STOX1: variants seen among roughly 807,000 people sequenced by gnomAD.
STOX1 encodes the protein storkhead-box protein 1.
STOX1 carries 57 observed loss-of-function variants against 74.8 expected under a neutral mutation model. The observed-to-expected ratio is 0.76, with a 90% CI of 0.62 to 0.95. STOX1 has a LOEUF of 0.95. STOX1 is among the 40% of genes least tolerant of loss of function. The probability of loss-of-function intolerance (pLI) is 0.00; values close to 1 mark genes in which losing one functional copy is unlikely to be tolerated. For missense variants in STOX1, 1,010 were observed against 1,117.0 expected (o/e 0.90, Z 1.37); for synonymous variants, 375 against 401.3 (o/e 0.93, Z 0.78).
chr10:68,845,359 T>G (rs1179522414), intron 1 of STOX1, among the ~76,000 whole-genome samples: 1 of 144,368 alleles, frequency 6.9e-6, no homozygotes, highest in African/African-American at 2.6e-5. Flanking sequence ...CTGCAACCTC[T>G]GCCTCCCAGG....
chr10:68,857,662 T>A (rs1263007543), intron 1 of STOX1, among the ~76,000 whole-genome samples: 8 of 152,168 alleles, frequency 5.3e-5, no homozygotes, highest in Admixed American at 5.2e-4. Flanking sequence ...TGCTACTGAC[T>A]GCTCCTTTGG....
intron 1 of STOX1, among the ~76,000 whole-genome samples, chr10:68,847,490 A>G (rs1317038684): frequency 2.0e-5 from 3 of 149,298 alleles, no homozygotes; most frequent in African/African-American, 7.4e-5. Flanking sequence ...GCTCGTTGCA[A>G]CCTCCGCCTC....
intron 2 of STOX1, 118 bp downstream of exon 2, chr10:68,882,228 T>TTA (rs1840829182): frequency 3.1e-6 from 3 of 968,922 alleles, no homozygotes; most frequent in Non-Finnish European, 4.8e-6. Flanking sequence ...CTATAGAACT[T>TTA]TATATCAGAA....
intron 1 of STOX1, among the ~76,000 whole-genome samples, chr10:68,867,582 G>A (rs889086365): frequency 6.6e-6 from 1 of 152,214 alleles, no homozygotes; most frequent in African/African-American, 2.4e-5. Flanking sequence ...GTGCCAAGGG[G>A]CAGGGACAAG....
intron 1 of STOX1, among the ~76,000 whole-genome samples, chr10:68,865,872 C>T (rs942979586): frequency 1.3e-5 from 2 of 152,104 alleles, no homozygotes; most frequent in Non-Finnish European, 2.9e-5. Context: ...TCCAGTTTCT[C>T]TTTACTCAGC....
In STOX1 at chr10:68,885,586, G is replaced by C. The variant is rs1318220818; in HGVS notation, c.1790G>C (p.Cys597Ser). The C allele has an allele frequency of 6.2e-7, 1 of 1,614,210 alleles. No homozygotes were observed. Among genetic ancestry groups the C allele is most frequent in the East Asian group, 2.2e-5 (1 of 44,892 alleles). ...QQSMLQNDGK[C>S]CPFMESMLRY... Reference sequence around the variant, plus strand: ...AGCATGTTGCAAAATGATGGTAAATGCTGTCCCTTTATGGAAAGCATGTTG... The same window carrying C: ...AGCATGTTGCAAAATGATGGTAAATCCTGTCCCTTTATGGAAAGCATGTTG... The change falls in exon 3 of 4, where the codon TGC (cysteine) becomes TCC (serine). Residue 597 changes from cysteine (C) to serine (S), a missense_variant. Cys to Ser is a moderately radical substitution (Grantham distance 112). Coordinates refer to ENST00000298596, the MANE Select transcript of STOX1 (RefSeq NM_152709.5).
chr10:68,881,000 C>CT (rs1840803657), intron 1 of STOX1, among the ~76,000 whole-genome samples: 1 of 152,138 alleles, frequency 6.6e-6, no homozygotes, highest in Admixed American at 6.6e-5. Context: ...GGTCCCTACT[C>CT]TGTCTTAAAT....
downstream of STOX1, among the ~76,000 whole-genome samples, chr10:68,894,308 C>T (rs1373560522): frequency 6.6e-6 from 1 of 152,068 alleles, no homozygotes; most frequent in Non-Finnish European, 1.5e-5. Context: ...ATTCGCCTGC[C>T]TCGGCTTCCA....
At chr10:68,868,533 C>T (rs975883938) in intron 1 of STOX1, among the ~76,000 whole-genome samples, 1 of 152,184 alleles carries the variant, frequency 6.6e-6, no homozygotes, top group Non-Finnish European at 1.5e-5. Context: ...ACGAGCATGT[C>T]ACAGTGCTGC....
intron 1 of STOX1, among the ~76,000 whole-genome samples, chr10:68,855,598 G>A (rs1840102828): frequency 6.6e-6 from 1 of 151,646 alleles, no homozygotes; most frequent in African/African-American, 2.4e-5. Context: ...CACCAAGCCA[G>A]GCTAATTTTT....
At chr10:68,867,268 C>G (rs949851336) in intron 1 of STOX1, among the ~76,000 whole-genome samples, 3 of 152,040 alleles carry the variant, frequency 2.0e-5, no homozygotes, top group African/African-American at 7.2e-5. Flanking sequence ...TTTTACACTT[C>G]AGGCATAGAC....
At chr10:68,864,421 A>G (rs898870556) in intron 1 of STOX1, among the ~76,000 whole-genome samples, 1 of 152,246 alleles carries the variant, frequency 6.6e-6, no homozygotes, top group Non-Finnish European at 1.5e-5. Context: ...ATGGTTATCT[A>G]GAATACCCAC....
intron 1 of STOX1, among the ~76,000 whole-genome samples, chr10:68,829,639 T>G (rs1839355368): frequency 6.6e-6 from 1 of 152,134 alleles, no homozygotes; most frequent in African/African-American, 2.4e-5. Context: ...CATTCAGAGA[T>G]GGTATTACCA....
At chr10:68,871,433 T>C (rs1840533955) in intron 1 of STOX1, among the ~76,000 whole-genome samples, 1 of 152,224 alleles carries the variant, frequency 6.6e-6, no homozygotes, top group Admixed American at 6.5e-5. Flanking sequence ...GGTTGAAGTG[T>C]GATAAGTAAA....
At chr10:68,863,998 C>T (rs1180788537) in intron 1 of STOX1, among the ~76,000 whole-genome samples, 1 of 151,434 alleles carries the variant, frequency 6.6e-6, no homozygotes, top group Non-Finnish European at 1.5e-5. Flanking sequence ...GATCTCGGCT[C>T]ACTGCAAGCT....
rs184301874 is a variant in STOX1 at position 68,863,007 on chromosome 10, T to C, written c.311-18951T>C. ...ATAGAGTGATATGTCCAGGCATTAT[T>C]GCCAGCCAAGATTGATAGCAAGGGG... On this transcript the variant is annotated intron_variant, in intron 1 of 3. Transcript: ENST00000298596. 1.6e-3 allele frequency among the ~76,000 whole-genome samples: 236 copies of C among 152,254 alleles called. 5 individuals carry two copies. Among genetic ancestry groups the C allele is most frequent in the African/African-American group, 5.4e-3 (224 of 41,484 alleles).
At chr10:68,863,440 CAGAT>C (rs536593943) in intron 1 of STOX1, among the ~76,000 whole-genome samples, 38 of 151,824 alleles carry the variant, frequency 2.5e-4, no homozygotes, top group Non-Finnish European at 2.9e-4. Context: ...AAAAAAAAAA[CAGAT>C]GAGGAATGCA....
chr10:68,853,508 G>A lies in STOX1; in HGVS notation c.310+25575G>A, dbSNP rs78207719. Among the ~76,000 whole-genome samples the A allele has an allele frequency of 5.3e-3, 801 of 152,150 alleles. 12 individuals are homozygous for A. The highest frequency in any genetic ancestry group is 0.018 in the African/African-American group (748 of 41,444). On this transcript the variant is annotated intron_variant, in intron 1 of 3. Coordinates refer to ENST00000298596, the MANE Select transcript of STOX1 (RefSeq NM_152709.5). ...TGTATTATTAATTTGGTAAGACTTTGTCATGGCCTGCAAGGGAGAAATCTG... is the reference window on the plus strand; with the variant it reads ...TGTATTATTAATTTGGTAAGACTTTATCATGGCCTGCAAGGGAGAAATCTG...
downstream of STOX1, among the ~76,000 whole-genome samples, chr10:68,894,065 CT>C (rs757109078): frequency 0.022 from 3,171 of 142,944 alleles, 99 homozygotes; most frequent in African/African-American, 0.074. Context: ...CTTTTCTTTT[CT>C]TTTTTTTTTT....
Sources: allele counts gnomAD v4.1 joint callset (sites outside exome capture counted in the v4.1 genomes callset), GRCh38; gene constraint gnomAD v4.1.1; transcripts MANE v1.5; gene names NCBI Gene and HGNC (gene_info 2026-07-23, HGNC 2026-07-21).